Variants in SLC9B1 observed in about 807,000 individuals in gnomAD.
SLC9B1 encodes sodium/hydrogen exchanger 9B1.
Under a neutral mutation model 51.7 loss-of-function variants are expected in SLC9B1, and 32 were observed. The observed-to-expected ratio is 0.62, with a 90% CI of 0.47 to 0.83. The LOEUF (loss-of-function observed/expected upper bound fraction) is 0.83, where lower values mean the gene tolerates loss of function less well. Ranked by LOEUF, SLC9B1 falls within the 40% of genes least tolerant of loss-of-function variation. The probability of loss-of-function intolerance (pLI) is 0.00; values close to 1 mark genes in which losing one functional copy is unlikely to be tolerated. For missense variants in SLC9B1, 406 were observed against 613.2 expected, an observed-to-expected ratio of 0.66 and a Z score of 3.57; for synonymous variants, 145 against 212.7, an observed-to-expected ratio of 0.68 and a Z score of 2.77.
At chr4:102,936,105 A>AGAG (rs1736711392) in intron 6 of SLC9B1, among the ~76,000 whole-genome samples, 13 of 152,340 alleles carry the variant, frequency 8.5e-5, no homozygotes, top group Non-Finnish European at 1.8e-4. Flanking sequence ...TGGGTATGGT[A>AGAG]CCAGCCCTGC....
At chr4:102,891,644 A>G (rs1006077387) in intron 11 of SLC9B1, 1 of 152,232 alleles carries the variant, frequency 6.6e-6, no homozygotes, top group African/African-American at 2.4e-5. Context: ...GACTTACTCG[A>G]TGATTGGAGG....
chr4:103,010,458 T>G (rs948078125), intron 1 of SLC9B1, among the ~76,000 whole-genome samples: 14 of 152,104 alleles, frequency 9.2e-5, no homozygotes, highest in Non-Finnish European at 1.6e-4. Context: ...TCAACATGAG[T>G]TTTGGAGGGG....
intron 6 of SLC9B1, among the ~76,000 whole-genome samples, chr4:102,944,837 T>TTA (rs963473919): frequency 6.8e-6 from 1 of 147,872 alleles, no homozygotes; most frequent in African/African-American, 2.5e-5. Flanking sequence ...TCAAATATAC[T>TTA]TATATATATA....
intron 4 of SLC9B1, among the ~76,000 whole-genome samples, chr4:102,946,990 T>G (rs1483300946): frequency 6.6e-6 from 1 of 152,140 alleles, no homozygotes; most frequent in Non-Finnish European, 1.5e-5. Context: ...AGTAAGTTAG[T>G]GTTGCTGGAA....
At chr4:102,888,607 T>G (rs1273953797) in intron 11 of SLC9B1, 16 of 152,286 alleles carry the variant, frequency 1.1e-4, no homozygotes, top group Admixed American at 1.0e-3. Flanking sequence ...TTATGAATCT[T>G]TTTAGTTTCA....
At chr4:102,889,568 A>G (rs1206446257) in intron 11 of SLC9B1, 3 of 152,270 alleles carry the variant, frequency 2.0e-5, no homozygotes, top group African/African-American at 7.2e-5. Context: ...TTGAAAATGA[A>G]TTATCTCATA....
intron 1 of SLC9B1, among the ~76,000 whole-genome samples, chr4:103,003,145 C>T (rs1740610967): frequency 6.6e-6 from 1 of 152,150 alleles, no homozygotes; most frequent in South Asian, 2.1e-4. Flanking sequence ...ATCTTTTCAT[C>T]TTACACACTT....
At chr4:102,908,632 T>C (rs1165652832) in intron 9 of SLC9B1, among the ~76,000 whole-genome samples, 1 of 152,122 alleles carries the variant, frequency 6.6e-6, no homozygotes, top group Non-Finnish European at 1.5e-5. Context: ...ATATACAAAA[T>C]AGTATATCTT....
chr4:102,980,122 A>G (rs1739280000), intron 3 of SLC9B1, among the ~76,000 whole-genome samples: 1 of 152,342 alleles, frequency 6.6e-6, no homozygotes, highest in African/African-American at 2.4e-5. Context: ...TTCAGAGAAA[A>G]AGAAACACTT....
At chr4:103,008,255 T>C (rs1338571294) in intron 1 of SLC9B1, among the ~76,000 whole-genome samples, 1 of 152,226 alleles carries the variant, frequency 6.6e-6, no homozygotes, top group Non-Finnish European at 1.5e-5. Flanking sequence ...ACTGCTGTTA[T>C]ATTGCTAGGC....
At chr4:102,931,638 A>G (rs1250599932) in intron 7 of SLC9B1, among the ~76,000 whole-genome samples, 1 of 98,016 alleles carries the variant, frequency 1.0e-5, no homozygotes, top group Non-Finnish European at 1.9e-5. Context: ...AAGACCAGAT[A>G]TCACCTTGGA....
chr4:102,912,348 C>T (rs1735380343), intron 7 of SLC9B1, among the ~76,000 whole-genome samples: 1 of 151,036 alleles, frequency 6.6e-6, no homozygotes, highest in Admixed American at 6.6e-5. Flanking sequence ...ATTCAAGGGT[C>T]AATTAAGATT....
intron 7 of SLC9B1, among the ~76,000 whole-genome samples, chr4:102,913,796 T>TAAAAAAAAAAAAAAAAAAAAAAAAAC (rs61244946): frequency 1.4e-5 from 1 of 71,452 alleles, no homozygotes; most frequent in Non-Finnish European, 2.8e-5. Flanking sequence ...AGATAGAAAC[T>TAAAAAAAAAAAAAAAAAAAAAAAAAC]AAAAAAAAAA....
chr4:103,018,593 A>G (rs1020856977), intron 1 of SLC9B1, among the ~76,000 whole-genome samples: 1 of 152,138 alleles, frequency 6.6e-6, no homozygotes, highest in Non-Finnish European at 1.5e-5. Context: ...GGCCTCCCTC[A>G]GTGCCACCTG....
intron 11 of SLC9B1, among the ~76,000 whole-genome samples, chr4:102,894,934 A>C (rs1374509701): frequency 2.6e-5 from 4 of 152,194 alleles, no homozygotes; most frequent in Non-Finnish European, 4.4e-5. Flanking sequence ...CCCTGTCTCA[A>C]AAAAACAAAC....
chr4:102,932,375 A>G (rs1255319612), intron 6 of SLC9B1, 76 bp from the exon 7 acceptor site: 2 of 1,255,994 alleles, frequency 1.6e-6, no homozygotes, highest in African/African-American at 3.0e-5. Context: ...AGTAGTTTAT[A>G]ATAACTTTAT....
chr4:102,898,142 T>C (rs573718337), downstream of SLC9B1: 4 of 511,922 alleles, frequency 7.8e-6, no homozygotes, highest in South Asian at 5.7e-5. Context: ...AGCCTCGCTG[T>C]ACTAAGGTTG....
intron 3 of SLC9B1, among the ~76,000 whole-genome samples, chr4:102,955,868 A>G (rs1298127014): frequency 4.4e-5 from 6 of 136,718 alleles, no homozygotes; most frequent in African/African-American, 1.8e-4. Flanking sequence ...AAAGAAAGAA[A>G]GAAAGAAAGA....
intron 3 of SLC9B1, among the ~76,000 whole-genome samples, chr4:102,976,652 T>C (rs1007971642): frequency 2.0e-5 from 3 of 152,138 alleles, no homozygotes; most frequent in Non-Finnish European, 4.4e-5. Context: ...GAAATTTCAA[T>C]AGGCAAAGAT....
Sources: allele counts gnomAD v4.1 joint callset (sites outside exome capture counted in the v4.1 genomes callset), GRCh38; gene constraint gnomAD v4.1.1; transcripts MANE v1.5; gene names NCBI Gene and HGNC (gene_info 2026-07-23, HGNC 2026-07-21).